Variants in MYT1L observed in about 807,000 individuals in gnomAD.
MYT1L encodes the protein myelin transcription factor 1 like, also known as myelin transcription factor 1-like protein.
Under a neutral mutation model 126.7 loss-of-function variants are expected in MYT1L, and 12 were observed. The observed-to-expected ratio is 0.09, with a 90% confidence interval of 0.06 to 0.15. MYT1L has a LOEUF of 0.15. Ranked by LOEUF, MYT1L falls within the 10% of genes least tolerant of loss-of-function variation. The pLI, the probability that MYT1L is intolerant of heterozygous loss-of-function variation, is 1.00. For missense variants in MYT1L, 979 were observed against 1,585.2 expected (o/e 0.62, Z 6.49); for synonymous variants, 541 against 604.2 (o/e 0.90, Z 1.53).
At chr2:1,955,938 A>G (rs1390848464) in intron 8 of MYT1L, among the ~76,000 whole-genome samples, 1 of 152,216 alleles carries the variant, frequency 6.6e-6, no homozygotes, top group African/African-American at 2.4e-5. Flanking sequence ...GTGGAAATAT[A>G]GCTTAGGTTG....
chr2:1,958,003 C>T (rs1312769773), intron 8 of MYT1L, among the ~76,000 whole-genome samples: 3 of 152,344 alleles, frequency 2.0e-5, no homozygotes, highest in Admixed American at 6.5e-5. Flanking sequence ...GGGAAGCTCA[C>T]GCATGCCCCC....
At chr2:2,276,948 C>T (rs2095369255) in intron 2 of MYT1L, among the ~76,000 whole-genome samples, 1 of 151,178 alleles carries the variant, frequency 6.6e-6, no homozygotes. Flanking sequence ...TTTGCCTTTA[C>T]TTCACCTGCT....
intron 21 of MYT1L, among the ~76,000 whole-genome samples, chr2:1,820,031 T>TGGGG (rs10713046): frequency 1.8e-5 from 2 of 112,228 alleles, no homozygotes; most frequent in African/African-American, 6.4e-5. Context: ...CAGAGGGCAG[T>TGGGG]GGGGGGGGGC....
intron 11 of MYT1L, among the ~76,000 whole-genome samples, chr2:1,915,234 A>T (rs1045188985): frequency 6.6e-6 from 1 of 152,208 alleles, no homozygotes; most frequent in Non-Finnish European, 1.5e-5. Flanking sequence ...CCTTCTATGG[A>T]TGGAATTCTC....
intron 1 of MYT1L, among the ~76,000 whole-genome samples, chr2:2,287,182 G>C (rs995801173): frequency 5.2e-4 from 79 of 152,304 alleles, no homozygotes; most frequent in African/African-American, 1.5e-3. Context: ...CTTGAACCTG[G>C]GAGGCAGAGG....
chr2:1,834,844 AC>A (rs2040634595), intron 21 of MYT1L, among the ~76,000 whole-genome samples: 2 of 151,138 alleles, frequency 1.3e-5, no homozygotes, highest in African/African-American at 4.9e-5. Flanking sequence ...GTACTCCTCC[AC>A]ATACCACGGA....
At chr2:2,229,260 C>CT (rs1011885784) in intron 2 of MYT1L, among the ~76,000 whole-genome samples, 2 of 152,048 alleles carry the variant, frequency 1.3e-5, no homozygotes, top group African/African-American at 2.4e-5. Context: ...CTGCTTCATT[C>CT]TTTTTTTAAA....
intron 21 of MYT1L, among the ~76,000 whole-genome samples, chr2:1,818,555 T>G (rs2038040147): frequency 6.6e-6 from 1 of 152,226 alleles, no homozygotes; most frequent in Non-Finnish European, 1.5e-5. Context: ...ACTGATTGAC[T>G]CATGATGACG....
chr2:2,175,761 C>G (rs2090672648), intron 2 of MYT1L, among the ~76,000 whole-genome samples: 2 of 152,206 alleles, frequency 1.3e-5, no homozygotes, highest in Admixed American at 1.3e-4. Flanking sequence ...AATTTGGGAT[C>G]CATAATGGCT....
chr2:2,173,545 T>C (rs986452606), intron 2 of MYT1L, among the ~76,000 whole-genome samples: 15 of 152,236 alleles, frequency 9.9e-5, no homozygotes, highest in African/African-American at 3.4e-4. Flanking sequence ...TATCATGTTT[T>C]TCTGCAATGT....
At chr2:1,932,454 A>G (rs1301429188) in intron 9 of MYT1L, among the ~76,000 whole-genome samples, 1 of 152,226 alleles carries the variant, frequency 6.6e-6, no homozygotes, top group Non-Finnish European at 1.5e-5. Flanking sequence ...ACAGAATAAT[A>G]GTTATTCATT....
chr2:2,193,711 T>C (rs1426302503), intron 2 of MYT1L, among the ~76,000 whole-genome samples: 1 of 152,182 alleles, frequency 6.6e-6, no homozygotes, highest in Non-Finnish European at 1.5e-5. Flanking sequence ...ATTACATAGT[T>C]CTGTGATTTT....
At chr2:2,236,928 C>T (rs989308789) in intron 2 of MYT1L, among the ~76,000 whole-genome samples, 4 of 151,754 alleles carry the variant, frequency 2.6e-5, no homozygotes, top group Non-Finnish European at 5.9e-5. Flanking sequence ...ATTCTCGTGC[C>T]GCAGTCTCCC....
intron 1 of MYT1L, among the ~76,000 whole-genome samples, chr2:2,312,831 C>G (rs2095997325): frequency 6.6e-6 from 1 of 151,804 alleles, no homozygotes; most frequent in East Asian, 1.9e-4. Flanking sequence ...CTATTGTAAG[C>G]TGGGGTGTGG....
At chr2:1,880,501 T>C (rs1465998550) in intron 18 of MYT1L, among the ~76,000 whole-genome samples, 1 of 152,190 alleles carries the variant, frequency 6.6e-6, no homozygotes, top group Non-Finnish European at 1.5e-5. Context: ...TTTATTTTCT[T>C]AACTGACTGT....
intron 4 of MYT1L, among the ~76,000 whole-genome samples, chr2:2,040,916 T>C (rs949924594): frequency 6.6e-6 from 1 of 152,166 alleles, no homozygotes; most frequent in Non-Finnish European, 1.5e-5. Context: ...ACCATCTCCA[T>C]AGTAACCAAT....
intron 3 of MYT1L, among the ~76,000 whole-genome samples, chr2:2,157,698 C>T (rs530129302): frequency 6.6e-6 from 1 of 152,278 alleles, no homozygotes; most frequent in East Asian, 1.9e-4. Context: ...GTTTCCCTTC[C>T]TATGCATTCA....
intron 2 of MYT1L, among the ~76,000 whole-genome samples, chr2:2,196,341 A>C (rs1052863976): frequency 6.6e-6 from 1 of 152,256 alleles, no homozygotes; most frequent in African/African-American, 2.4e-5. Flanking sequence ...CATTAAGTGA[A>C]ATGCTAAAAA....
intron 3 of MYT1L, among the ~76,000 whole-genome samples, chr2:2,089,126 G>A (rs1462380953): frequency 1.3e-5 from 2 of 152,186 alleles, no homozygotes; most frequent in Non-Finnish European, 2.9e-5. Context: ...TTTACACATG[G>A]AGGAAAATAT....
Sources: gnomAD v4.1 joint callset for allele counts (sites outside exome capture counted in the v4.1 genomes callset) on GRCh38, gnomAD v4.1.1 for gene constraint, MANE v1.5 for transcripts, NCBI Gene and HGNC (gene_info 2026-07-23, HGNC 2026-07-21) for gene names.